The following NCK1 variants were observed in gnomAD, a reference collection of about 807,000 sequenced individuals.
NCK1 encodes the protein NCK adaptor protein 1.
Under a neutral mutation model 36.6 loss-of-function variants are expected in NCK1, and 19 were observed. The ratio of observed to expected loss-of-function variants is 0.52; its 90% CI spans 0.36 to 0.76. The LOEUF is 0.76. Among genes scored for constraint, NCK1 ranks in the 30% least tolerant of loss-of-function variants. The pLI is 0.00. For missense variants in NCK1, 358 were observed against 445.6 expected (o/e 0.80, Z 1.77); for synonymous variants, 165 against 156.0 (o/e 1.06, Z -0.43).
intron 1 of NCK1, among the ~76,000 whole-genome samples, chr3:136,903,037 C>T (rs1939588654): frequency 6.6e-6 from 1 of 152,190 alleles, no homozygotes; most frequent in Non-Finnish European, 1.5e-5. Context: ...TTAATGCTCA[C>T]AGTGGGGTGC....
intron 2 of NCK1, among the ~76,000 whole-genome samples, chr3:136,935,956 T>G (rs1940518873): frequency 6.6e-6 from 1 of 152,220 alleles, no homozygotes; most frequent in Non-Finnish European, 1.5e-5. Flanking sequence ...TGTGTCTGGC[T>G]TCTTTCATTT....
At chr3:136,886,252 T>A (rs547216368) in intron 1 of NCK1, among the ~76,000 whole-genome samples, 7 of 152,154 alleles carry the variant, frequency 4.6e-5, no homozygotes, top group Non-Finnish European at 8.8e-5. Flanking sequence ...TATCCTTTTT[T>A]TTTTCTTTTG....
At chr3:136,867,105 TTTCTTTCTTTCTTTGTTTCTTTCTTTCC>T (rs1177649954) in intron 1 of NCK1, among the ~76,000 whole-genome samples, 1,046 of 35,660 alleles carry the variant, frequency 0.029, 71 homozygotes, top group Middle Eastern at 0.058. Context: ...TCTTTCTTTC[TTTCTTTCTTTCTTTGTTTCTTTCTTTCC>T]TTCCTTCCTT....
At chr3:136,917,132 TTC>T (rs1225821272) in intron 1 of NCK1, among the ~76,000 whole-genome samples, 1 of 152,166 alleles carries the variant, frequency 6.6e-6, no homozygotes, top group Non-Finnish European at 1.5e-5. Flanking sequence ...ATGTGGCATG[TTC>T]TGTGTCAAGC....
chr3:136,887,892 G>A (rs1049671057), intron 1 of NCK1, among the ~76,000 whole-genome samples: 1 of 151,384 alleles, frequency 6.6e-6, no homozygotes, highest in Non-Finnish European at 1.5e-5. Flanking sequence ...TTCGGTTCTT[G>A]TTATCTTTTA....
intron 2 of NCK1, among the ~76,000 whole-genome samples, chr3:136,944,976 C>G (rs180881629): frequency 1.3e-5 from 2 of 152,204 alleles, no homozygotes; most frequent in Admixed American, 1.3e-4. Context: ...ACTCCCTGTC[C>G]TTTTGGAGGT....
At chr3:136,908,780 G>T (rs1939756846) in intron 1 of NCK1, among the ~76,000 whole-genome samples, 1 of 152,220 alleles carries the variant, frequency 6.6e-6, no homozygotes, top group African/African-American at 2.4e-5. Context: ...AATGGTTTCT[G>T]CATGTGAAGG....
chr3:136,931,687 A>G (rs1940394865), intron 2 of NCK1, among the ~76,000 whole-genome samples: 1 of 152,224 alleles, frequency 6.6e-6, no homozygotes, highest in Non-Finnish European at 1.5e-5. Flanking sequence ...CATAGGGTGA[A>G]AAACTAATAC....
Position 136,888,781 on chromosome 3 carries a change from T to C in NCK1, c.-19+26428T>C, listed in dbSNP as rs375915283. 8.8e-4 allele frequency among the ~76,000 whole-genome samples: 134 copies of C among 152,330 alleles called. 2 individuals carry two copies. Among genetic ancestry groups the C allele is most frequent in the African/African-American group, 2.9e-3 (122 of 41,588 alleles). On this transcript the variant is annotated intron_variant, in intron 1 of 3. Coordinates refer to ENST00000481752, the MANE Select transcript of NCK1 (RefSeq NM_001291999.2). ...CTTCTGTCTCTATACATTTGCTCAT[T>C]CTGAACCTTTCATATACATGGAATC...
At chr3:136,889,559 G>A (rs1321354959) in intron 1 of NCK1, among the ~76,000 whole-genome samples, 1 of 152,052 alleles carries the variant, frequency 6.6e-6, no homozygotes, top group Non-Finnish European at 1.5e-5. Context: ...TGCCACTGCT[G>A]GCTCGGGCAG....
intron 1 of NCK1, among the ~76,000 whole-genome samples, chr3:136,875,038 T>A (rs1216668845): frequency 6.6e-6 from 1 of 152,232 alleles, no homozygotes; most frequent in Non-Finnish European, 1.5e-5. Flanking sequence ...CGTCTATTTT[T>A]AACAATTTTT....
At chr3:136,903,375 G>A (rs552862484) in intron 1 of NCK1, among the ~76,000 whole-genome samples, 1 of 152,252 alleles carries the variant, frequency 6.6e-6, no homozygotes, top group East Asian at 1.9e-4. Flanking sequence ...GTAGTATATA[G>A]GTGGGTCATG....
At chr3:136,941,413 A>T (rs1470218553) in intron 2 of NCK1, among the ~76,000 whole-genome samples, 1 of 151,970 alleles carries the variant, frequency 6.6e-6, no homozygotes, top group African/African-American at 2.4e-5. Flanking sequence ...TACAGGTGTG[A>T]GCCTCTGTGA....
At chr3:136,890,020 G>T (rs983959901) in intron 1 of NCK1, among the ~76,000 whole-genome samples, 1 of 152,200 alleles carries the variant, frequency 6.6e-6, no homozygotes, top group African/African-American at 2.4e-5. Context: ...GCCCTTGGGT[G>T]GTCAATGGGA....
At chr3:136,913,132 AT>A (rs970538094) in intron 1 of NCK1, among the ~76,000 whole-genome samples, 42 of 146,872 alleles carry the variant, frequency 2.9e-4, no homozygotes, top group African/African-American at 9.8e-4. Flanking sequence ...CTGTTGGTTT[AT>A]TTTTTTTTCT....
chr3:136,910,388 A>C (rs527760551), intron 1 of NCK1, among the ~76,000 whole-genome samples: 1 of 152,230 alleles, frequency 6.6e-6, no homozygotes, highest in Non-Finnish European at 1.5e-5. Flanking sequence ...TGTAGAAAAT[A>C]AAATGTGTAG....
rs1421944151 is a variant in NCK1, at chr3:136,862,246, C to CGGCGGCGGAGCGCA, written c.-122_-109dup. ...CGCCTCTCTCCCAAGAGCTACGCGG[C>CGGCGGCGGAGCGCA]GGCGGCGGAGCGCAGGCCTCGTGCC... On this transcript the variant is annotated 5_prime_UTR_variant, in exon 1 of 4. Transcript: ENST00000481752. The CGGCGGCGGAGCGCA allele has an allele frequency of 1.3e-5, 2 of 152,754 alleles. No homozygotes were observed. Among genetic ancestry groups the CGGCGGCGGAGCGCA allele is most frequent in the East Asian group, 3.8e-4 (2 of 5,200 alleles). The allele number at this position is 152,754 out of a possible 1,614,324, so 9.5% of individuals were successfully genotyped here.
At chr3:136,866,199 T>A (rs1938404908) in intron 1 of NCK1, among the ~76,000 whole-genome samples, 1 of 152,200 alleles carries the variant, frequency 6.6e-6, no homozygotes, top group Non-Finnish European at 1.5e-5. Flanking sequence ...TTTTAATCAG[T>A]GCCAGCACTA....
chr3:136,941,095 C>T (rs1940660403), intron 2 of NCK1, among the ~76,000 whole-genome samples: 1 of 144,210 alleles, frequency 6.9e-6, no homozygotes. Flanking sequence ...CTATTACTGT[C>T]TTCTTTTGTG....
Sources: gnomAD v4.1 joint callset for allele counts (sites outside exome capture counted in the v4.1 genomes callset) on GRCh38, gnomAD v4.1.1 for gene constraint, MANE v1.5 for transcripts, NCBI Gene and HGNC (gene_info 2026-07-23, HGNC 2026-07-21) for gene names.